SARDH: variants seen among roughly 807,000 people sequenced by gnomAD.
SARDH encodes sarcosine dehydrogenase.
Under a neutral mutation model 109.1 loss-of-function variants are expected in SARDH, and 95 were observed. That is an observed-to-expected ratio of 0.87 (90% CI 0.74 to 1.03). SARDH has a LOEUF of 1.03. SARDH is among the 50% of genes least tolerant of loss of function. The probability of loss-of-function intolerance (pLI) is 0.00; values close to 1 mark genes in which losing one functional copy is unlikely to be tolerated. For synonymous variants in SARDH, 572 were observed against 534.8 expected, an observed-to-expected ratio of 1.07 and a Z score of -0.96; for missense variants, 1,267 against 1,287.8, an observed-to-expected ratio of 0.98 and a Z score of 0.25.
intron 14 of SARDH, 42 bp downstream of exon 14, chr9:133,696,181 A>T (rs2502739): frequency 0.84 from 1,350,889 of 1,608,552 alleles, 571,612 homozygotes; most frequent in East Asian, 0.94. Flanking sequence ...GGCTGTGCCC[A>T]TGGAGTGACA....
chr9:133,716,862 G>T (rs1832142309), intron 8 of SARDH, among the ~76,000 whole-genome samples: 1 of 152,208 alleles, frequency 6.6e-6, no homozygotes, highest in Admixed American at 6.5e-5. Context: ...TGGGAGCGGT[G>T]GGGGCTGGGG....
chr9:133,708,376 G>A lies in SARDH; in HGVS notation c.1381C>T (p.His461Tyr). 6.2e-7 allele frequency: 1 copy of A among 1,613,130 alleles called. No homozygotes were observed. Among genetic ancestry groups the A allele is most frequent in the East Asian group, 2.2e-5 (1 of 44,872 alleles). The change falls in exon 11 of 21, where the codon CAT (histidine) becomes TAT (tyrosine). Residue 461 changes from histidine to tyrosine, a missense_variant. Physicochemically the swap from His to Tyr is moderately conservative, Grantham distance 83 (BLOSUM62 2). Transcript: ENST00000439388. The part of the protein sequence containing the change: ...DHPRWIRERS[H>Y]ESYAKNYSVV... The stretch of plus-strand genomic sequence containing the variant: ...GAGTAGTTCTTGGCGTAGGACTCAT[G>A]GCTTCGCTCTCGGATCCAGCGGGGG...
At chr9:133,670,278 G>A (rs563194559) in intron 19 of SARDH, among the ~76,000 whole-genome samples, 11 of 148,996 alleles carry the variant, frequency 7.4e-5, no homozygotes, top group East Asian at 2.0e-4. Flanking sequence ...GCAGTGAGCC[G>A]AGATTGCGCC....
rs182841292 is a variant in SARDH at position 133,714,527 on chromosome 9, C to A, written c.1151-1403G>T. On this transcript the variant is annotated intron_variant, in intron 8 of 20. Transcript: ENST00000439388. ...GGTGCAGTGGCTCACGCCTGTAATC[C>A]CAGTACTTTGGGAGGCCAAGGCAGG... 2.5e-3 allele frequency among the ~76,000 whole-genome samples: 376 copies of A among 152,310 alleles called. 2 individuals are homozygous for A. The highest frequency in any genetic ancestry group is 8.7e-3 in the African/African-American group (362 of 41,554).
intron 13 of SARDH, among the ~76,000 whole-genome samples, chr9:133,701,014 A>G (rs972252648): frequency 1.3e-5 from 2 of 152,164 alleles, no homozygotes; most frequent in Non-Finnish European, 2.9e-5. Flanking sequence ...TTGAGTTTCC[A>G]CAAGGGAACT....
chr9:133,699,842 C>T (rs903219075), intron 13 of SARDH, among the ~76,000 whole-genome samples: 1 of 152,150 alleles, frequency 6.6e-6, no homozygotes, highest in Non-Finnish European at 1.5e-5. Flanking sequence ...ACAGAGATAC[C>T]ACTTGACCCA....
chr9:133,685,768 T>G (rs1351685881), intron 16 of SARDH, among the ~76,000 whole-genome samples: 1 of 152,106 alleles, frequency 6.6e-6, no homozygotes, highest in Non-Finnish European at 1.5e-5. Context: ...GTGGCCTCAG[T>G]GCTGTACAGA....
At chr9:133,726,128 CT>C (rs1161261830) in intron 6 of SARDH, among the ~76,000 whole-genome samples, 1 of 151,978 alleles carries the variant, frequency 6.6e-6, no homozygotes, top group Non-Finnish European at 1.5e-5. Context: ...AATCCCAGGA[CT>C]TTAGGAGTCT....
chr9:133,665,219 C>T (rs892837363), intron 20 of SARDH, among the ~76,000 whole-genome samples: 2 of 152,200 alleles, frequency 1.3e-5, no homozygotes, highest in African/African-American at 2.4e-5. Context: ...CTCGGAACCT[C>T]GGCTTCCCTG....
chr9:133,669,603 G>A (rs1053894188), intron 19 of SARDH, among the ~76,000 whole-genome samples: 25 of 152,134 alleles, frequency 1.6e-4, no homozygotes, highest in Admixed American at 4.6e-4. Context: ...GATCACGTGC[G>A]CCGGGCTCCA....
At chr9:133,723,839 T>C (rs1030930377) in intron 6 of SARDH, among the ~76,000 whole-genome samples, 3 of 152,220 alleles carry the variant, frequency 2.0e-5, no homozygotes, top group African/African-American at 7.2e-5. Context: ...AGACAATTCC[T>C]TGGGGGAAGC....
chr9:133,732,453 C>T lies in SARDH; in HGVS notation c.480G>A (p.Gln160=). 5 of 1,607,658 alleles carry T rather than the reference C, an allele frequency of 3.1e-6. No homozygotes were observed. The highest frequency in any genetic ancestry group is 4.3e-6 in the Non-Finnish European group (5 of 1,176,232). Residue 160 remains glutamine, a synonymous_variant, in exon 3 of 21, where the codon CAG becomes CAA. Coordinates refer to ENST00000439388, the MANE Select transcript of SARDH (RefSeq NM_001134707.2). The part of the protein sequence containing the change: ...NGGLFIASNR[Q]RLDEYKRLMS... Reference sequence around the variant, plus strand: ...TGAGCCTCTTGTACTCGTCCAGGCGCTGCCGGTTGGACGCGATGAAGAGGC... The same window carrying T: ...TGAGCCTCTTGTACTCGTCCAGGCGTTGCCGGTTGGACGCGATGAAGAGGC...
intron 16 of SARDH, among the ~76,000 whole-genome samples, chr9:133,688,921 G>A (rs964564894): frequency 3.6e-4 from 55 of 152,352 alleles, no homozygotes; most frequent in African/African-American, 1.3e-3. Context: ...CAGCAAGCAC[G>A]CGTCTACCGT....
chr9:133,688,369 T>G (rs1403272144), intron 16 of SARDH, among the ~76,000 whole-genome samples: 1 of 127,644 alleles, frequency 7.8e-6, no homozygotes, highest in Non-Finnish European at 1.6e-5. Context: ...CCCCATCCAC[T>G]GTCGGGTGCT....
chr9:133,720,789 G>T (rs1832298823), intron 6 of SARDH, among the ~76,000 whole-genome samples: 2 of 152,198 alleles, frequency 1.3e-5, no homozygotes, highest in Admixed American at 1.3e-4. Context: ...GACACATGGG[G>T]ATTATTACGA....
chr9:133,732,708 C>T, intron 2 of SARDH, 107 bp from the exon 3 acceptor site: 1 of 1,283,534 alleles, frequency 7.8e-7, no homozygotes, highest in South Asian at 1.5e-5. Flanking sequence ...GTGTCTTTCT[C>T]TGCAAGGTCT....
Position 133,731,439 on chromosome 9 carries a change from C to G in SARDH, c.556G>C (p.Glu186Gln). The change falls in exon 4 of 21, where the codon GAG (glutamate) becomes CAG (glutamine). Residue 186 changes from glutamate to glutamine, a missense_variant. Physicochemically the swap from Glu to Gln is conservative, Grantham distance 29 (BLOSUM62 2). Coordinates refer to ENST00000439388, the MANE Select transcript of SARDH (RefSeq NM_001134707.2). ...ATCAGCGGGTACAGAGTCTTGGTCT[C>G]TGCCGGGCTCAGCACATGGGATTCC... is the stretch of plus-strand genomic sequence containing the variant. The part of the protein sequence containing the change: ...GVESHVLSPA[E>Q]TKTLYPLMNV... 6.2e-7 allele frequency: 1 copy of G among 1,614,180 alleles called. No homozygotes were observed. Among genetic ancestry groups the G allele is most frequent in the Non-Finnish European group, 8.5e-7 (1 of 1,180,014 alleles).
chr9:133,694,132 C>A (rs556565157), intron 15 of SARDH, 126 bp downstream of exon 15: 4 of 681,764 alleles, frequency 5.9e-6, no homozygotes, highest in African/African-American at 3.6e-5. Context: ...CTGACCACAG[C>A]GGGCACAACA....
Position 133,704,948 on chromosome 9 carries a change from C to T in SARDH, c.1554G>A (p.Pro518=), listed in dbSNP as rs748590513. ...PGWFHPRGPA[P]VLEYDYYGAY... is the part of the protein sequence containing the mutation. ...GCACAGCCCAGCAGGCACTACTCAC[C>T]GGAGCTGGGCCTCGGGGATGAAACC... Residue 518 remains proline (P), a splice_region_variant and synonymous_variant, in exon 12 of 21, where the codon CCG becomes CCA. Transcript: ENST00000439388. This position sits in a 1 kb window ranked among gnomAD's most constrained non-coding sequence, Gnocchi z 4.5. 84 of 1,573,580 alleles carry T rather than the reference C, an allele frequency of 5.3e-5. No individual in the cohort carries two copies. Among genetic ancestry groups the T allele is most frequent in the Non-Finnish European group, 6.6e-5 (76 of 1,159,924 alleles).
Sources: gnomAD v4.1 joint callset for allele counts (sites outside exome capture counted in the v4.1 genomes callset) on GRCh38, gnomAD v4.1.1 for gene constraint, Gnocchi (gnomAD v3.1) non-coding constraint, MANE v1.5 for transcripts, NCBI Gene and HGNC (gene_info 2026-07-23, HGNC 2026-07-21) for gene names.